Variants in SDC2 observed in about 807,000 individuals in gnomAD.
The protein encoded by SDC2 is syndecan 2, also known as syndecan-2.
Under a neutral mutation model 22.2 loss-of-function variants are expected in SDC2, and 13 were observed. That is an observed-to-expected ratio of 0.59 (90% CI 0.38 to 0.93). The LOEUF (loss-of-function observed/expected upper bound fraction) is 0.93, where lower values mean the gene tolerates loss of function less well. Ranked by LOEUF, SDC2 falls within the 40% of genes least tolerant of loss-of-function variation. The pLI, the probability that SDC2 is intolerant of heterozygous loss-of-function variation, is 0.00. For synonymous variants in SDC2, 94 were observed against 92.8 expected (o/e 1.01, Z -0.07); for missense variants, 235 against 246.8 (o/e 0.95, Z 0.32).
At chr8:96,543,797 G>C (rs929612070) in intron 1 of SDC2, among the ~76,000 whole-genome samples, 6 of 152,184 alleles carry the variant, frequency 3.9e-5, no homozygotes, top group Non-Finnish European at 1.5e-5. Context: ...GTGTATATGA[G>C]TGTGTATTAT....
In SDC2 at chr8:96,611,754, C is replaced by A. The variant is rs1329536700; in HGVS notation, c.*2206C>A. The A allele has an allele frequency of 6.6e-6, 1 of 151,994 alleles. No homozygotes were observed. The highest frequency in any genetic ancestry group is 2.4e-5 in the African/African-American group (1 of 41,308). The allele number at this position is 151,994 out of a possible 1,614,324, so 9.4% of individuals were successfully genotyped here. A position where few individuals can be genotyped will look rare whatever the true frequency, so the allele number is the denominator to read the frequency against. On this transcript the variant is annotated 3_prime_UTR_variant, in exon 5 of 5. Transcript: ENST00000302190. ...ATTTGTGAAAGTGCCAAAATAAAGT[C>A]TGTCATGCCAAAAGTAAATCATTGT... is the stretch of plus-strand genomic sequence containing the variant.
chr8:96,528,688 T>C (rs1183985809), intron 1 of SDC2, among the ~76,000 whole-genome samples: 2 of 152,236 alleles, frequency 1.3e-5, no homozygotes, highest in South Asian at 4.1e-4. Context: ...TTTTAGTCTT[T>C]GGGCTGTCCA....
intron 1 of SDC2, among the ~76,000 whole-genome samples, chr8:96,515,907 G>A (rs1563644686): frequency 2.6e-5 from 4 of 152,150 alleles, no homozygotes; most frequent in Non-Finnish European, 5.9e-5. Context: ...GCCCAACTGT[G>A]ATCATGACAC....
At chr8:96,585,023 G>A (rs1343212886) in intron 1 of SDC2, 1 of 152,210 alleles carries the variant, frequency 6.6e-6, no homozygotes, top group African/African-American at 2.4e-5. Flanking sequence ...AGTAAGAATT[G>A]TCAGTGTGTT....
chr8:96,604,752 A>G (rs1004112223), intron 3 of SDC2, among the ~76,000 whole-genome samples: 5 of 152,164 alleles, frequency 3.3e-5, no homozygotes, highest in African/African-American at 2.4e-5. Flanking sequence ...TTGCATTTCC[A>G]TGGCATCCAA....
chr8:96,593,391 G>T (rs961733421), intron 1 of SDC2, 89 bp from the exon 2 acceptor site: 5 of 798,896 alleles, frequency 6.3e-6, no homozygotes, highest in Admixed American at 2.0e-5. Flanking sequence ...GGGAGGGGTA[G>T]TCACTGCAGT....
chr8:96,600,753 A>T (rs781573849), intron 2 of SDC2, among the ~76,000 whole-genome samples: 2 of 152,234 alleles, frequency 1.3e-5, no homozygotes, highest in South Asian at 4.1e-4. Flanking sequence ...GCAAGGTCAC[A>T]GGAGGAGAAG....
chr8:96,562,723 T>G (rs1004485692), intron 1 of SDC2, among the ~76,000 whole-genome samples: 3 of 152,220 alleles, frequency 2.0e-5, no homozygotes, highest in Non-Finnish European at 4.4e-5. Context: ...TTCATTCTAG[T>G]GAAACCTAAA....
intron 1 of SDC2, among the ~76,000 whole-genome samples, chr8:96,561,661 A>G (rs1446491213): frequency 6.6e-6 from 1 of 152,222 alleles, no homozygotes. Flanking sequence ...CTAAAAAGCA[A>G]ATTTCTTCCT....
chr8:96,567,177 A>G (rs957628140), intron 1 of SDC2, among the ~76,000 whole-genome samples: 1 of 152,216 alleles, frequency 6.6e-6, no homozygotes, highest in African/African-American at 2.4e-5. Flanking sequence ...TTTAAAGTTT[A>G]CAAGGTGATA....
intron 1 of SDC2, among the ~76,000 whole-genome samples, chr8:96,589,868 G>A (rs1289618530): frequency 1.3e-5 from 2 of 152,200 alleles, no homozygotes; most frequent in Non-Finnish European, 2.9e-5. Context: ...CCTTAGTCCA[G>A]GTCCAGGCCC....
At chr8:96,574,440 T>C (rs377450072) in intron 1 of SDC2, among the ~76,000 whole-genome samples, 1 of 152,194 alleles carries the variant, frequency 6.6e-6, no homozygotes, top group Non-Finnish European at 1.5e-5. Flanking sequence ...CAGAAACTTA[T>C]CTAGAGCTGT....
At chr8:96,541,107 C>T (rs2582837) in intron 1 of SDC2, among the ~76,000 whole-genome samples, 1 of 151,842 alleles carries the variant, frequency 6.6e-6, no homozygotes, top group African/African-American at 2.4e-5. Flanking sequence ...TATGTGTATA[C>T]ATACAGTGGA....
At chr8:96,494,799 G>A (rs2452994) in intron 1 of SDC2, among the ~76,000 whole-genome samples, 114,548 of 152,152 alleles carry the variant, frequency 0.75, 43,534 homozygotes, top group African/African-American at 0.85. Flanking sequence ...CAGCTTTCCT[G>A]TTTGACTGCA....
In SDC2 at chr8:96,507,087, T is replaced by A. The variant is rs79696675; in HGVS notation, c.60+12756T>A. ...TGTTGGGATAATTCTCACTGTATTC[T>A]TTTGGATTTTGCTTTTTTAGTTTTT... On this transcript the variant is annotated intron_variant, in intron 1 of 4. Coordinates refer to ENST00000302190, the MANE Select transcript of SDC2 (RefSeq NM_002998.4). Among the ~76,000 whole-genome samples, 320 of 152,272 alleles carry A rather than the reference T, an allele frequency of 2.1e-3. 5 individuals are homozygous for A. In the East Asian group the frequency reaches 0.04, roughly 19 times the overall value.
At chr8:96,535,724 A>G (rs1374844045) in intron 1 of SDC2, among the ~76,000 whole-genome samples, 1 of 152,218 alleles carries the variant, frequency 6.6e-6, no homozygotes, top group East Asian at 1.9e-4. Context: ...TAAGTTTTAT[A>G]TCCACATGCT....
chr8:96,604,370 A>T (rs545690268), intron 3 of SDC2, among the ~76,000 whole-genome samples: 4 of 152,360 alleles, frequency 2.6e-5, no homozygotes, highest in Admixed American at 2.6e-4. Context: ...TAATACATTT[A>T]TATTCTTACT....
At chr8:96,534,958 A>G (rs1194382091) in intron 1 of SDC2, among the ~76,000 whole-genome samples, 11 of 152,122 alleles carry the variant, frequency 7.2e-5, no homozygotes, top group Admixed American at 6.5e-4. Context: ...TTGCTAGATA[A>G]AATATTGGGC....
At chr8:96,551,470 A>G (rs1277171080) in intron 1 of SDC2, among the ~76,000 whole-genome samples, 1 of 151,978 alleles carries the variant, frequency 6.6e-6, no homozygotes, top group Non-Finnish European at 1.5e-5. Flanking sequence ...CAGCAATCTC[A>G]TGAGACAGGT....
Sources: gnomAD v4.1 joint callset for allele counts (sites outside exome capture counted in the v4.1 genomes callset) on GRCh38, gnomAD v4.1.1 for gene constraint, MANE v1.5 for transcripts, NCBI Gene and HGNC (gene_info 2026-07-23, HGNC 2026-07-21) for gene names.